The following RERG variants were observed in gnomAD, a reference collection of about 807,000 sequenced individuals.
RERG encodes the protein ras-related and estrogen-regulated growth inhibitor.
In RERG, 25 loss-of-function variants were observed where a neutral mutation model predicts 23.2. The observed-to-expected ratio is 1.08, with a 90% CI of 0.79 to 1.50. The LOEUF (loss-of-function observed/expected upper bound fraction) is 1.50. Among genes scored for constraint, RERG ranks in the 40% most tolerant of loss-of-function variants. The pLI, the probability that RERG is intolerant of heterozygous loss-of-function variation, is 0.00. For missense variants in RERG, 253 were observed against 250.1 expected (o/e 1.01, Z -0.08); for synonymous variants, 81 against 89.1 (o/e 0.91, Z 0.51).
intron 2 of RERG, among the ~76,000 whole-genome samples, chr12:15,209,341 A>T (rs1297115745): frequency 6.6e-6 from 1 of 152,202 alleles, no homozygotes; most frequent in Non-Finnish European, 1.5e-5. Context: ...TGAATCCATC[A>T]TTGGGCAGAT....
intron 2 of RERG, among the ~76,000 whole-genome samples, chr12:15,166,494 T>TGGTGGG (rs1555126071): frequency 6.9e-6 from 1 of 145,378 alleles, no homozygotes; most frequent in Non-Finnish European, 1.5e-5. Context: ...ATGATGATGA[T>TGGTGGG]GATGATGGGG....
Position 15,215,614 on chromosome 12 carries a change from T to C in RERG, c.61+1815A>G, listed in dbSNP as rs547560327. ...GTTGTAACAGAAGATGGCTATGTTT[T>C]AAGCAATGAATGGGAGAGTTAAAAA... On this transcript the variant is annotated intron_variant, in intron 2 of 4. Coordinates refer to ENST00000256953, the MANE Select transcript of RERG (RefSeq NM_032918.3). Among the ~76,000 whole-genome samples, 5 of 152,272 alleles carry C rather than the reference T, an allele frequency of 3.3e-5. No homozygotes were observed. The South Asian group carries it at 6.2e-4, about 19-fold the overall frequency.
chr12:15,135,191 TG>T (rs2136098297), intron 2 of RERG, among the ~76,000 whole-genome samples: 1 of 152,344 alleles, frequency 6.6e-6, no homozygotes, highest in African/African-American at 2.4e-5. Flanking sequence ...CTAACATAAA[TG>T]GTAGAATGTT....
intron 2 of RERG, among the ~76,000 whole-genome samples, chr12:15,123,129 C>T (rs1863867709): frequency 6.6e-6 from 1 of 152,054 alleles, no homozygotes; most frequent in South Asian, 2.1e-4. Flanking sequence ...AAGGCTGCAA[C>T]CTAGAAAACT....
intron 2 of RERG, among the ~76,000 whole-genome samples, chr12:15,179,045 A>G (rs903423821): frequency 6.6e-6 from 1 of 152,196 alleles, no homozygotes; most frequent in Non-Finnish European, 1.5e-5. Context: ...TTCAGGCATC[A>G]GAAATATAGA....
intron 2 of RERG, among the ~76,000 whole-genome samples, chr12:15,208,287 T>C (rs1349796544): frequency 2.6e-5 from 4 of 152,154 alleles, no homozygotes; most frequent in African/African-American, 9.7e-5. Flanking sequence ...TGTATTTCCC[T>C]GGGGAACCCT....
chr12:15,217,727 A>T, intron 1 of RERG, 124 bp from the exon 2 acceptor site: 1 of 457,686 alleles, frequency 2.2e-6, no homozygotes, highest in South Asian at 2.6e-5. Flanking sequence ...CTTTACCACT[A>T]TCCTGTGAGA....
At chr12:15,117,633 A>G (rs1196172520) in intron 3 of RERG, among the ~76,000 whole-genome samples, 1 of 151,790 alleles carries the variant, frequency 6.6e-6, no homozygotes, top group Non-Finnish European at 1.5e-5. Context: ...AGGCTGAAAT[A>G]CAGTCTCTCT....
At chr12:15,186,235 A>C (rs1050613414) in intron 2 of RERG, among the ~76,000 whole-genome samples, 21 of 151,582 alleles carry the variant, frequency 1.4e-4, no homozygotes, top group Admixed American at 4.6e-4. Flanking sequence ...AAAATACATT[A>C]TATTTTATAT....
intron 2 of RERG, among the ~76,000 whole-genome samples, chr12:15,201,719 AGT>A (rs1291544182): frequency 6.6e-6 from 1 of 150,784 alleles, no homozygotes; most frequent in Non-Finnish European, 1.5e-5. Context: ...AGTAATAATT[AGT>A]GTTAGTAATT....
At chr12:15,109,662 T>G (rs897954012) in intron 4 of RERG, 145 bp from the exon 5 acceptor site, 1 of 609,166 alleles carries the variant, frequency 1.6e-6, no homozygotes, top group Non-Finnish European at 2.8e-6. Context: ...GTACAAACTT[T>G]CTAAATAATT....
intron 3 of RERG, among the ~76,000 whole-genome samples, chr12:15,115,423 C>G (rs1863701934): frequency 6.6e-6 from 1 of 152,016 alleles, no homozygotes. Context: ...TGCTTAGTTT[C>G]AAACACATTA....
chr12:15,167,663 A>T (rs1864715260), intron 2 of RERG, among the ~76,000 whole-genome samples: 1 of 152,220 alleles, frequency 6.6e-6, no homozygotes, highest in South Asian at 2.1e-4. Flanking sequence ...GAGATACTTT[A>T]AAAAAGATAG....
chr12:15,213,073 T>C (rs1484628581), intron 2 of RERG, among the ~76,000 whole-genome samples: 2 of 152,232 alleles, frequency 1.3e-5, no homozygotes, highest in South Asian at 2.1e-4. Flanking sequence ...AGTGCACCAA[T>C]TGGCTTTTGA....
chr12:15,124,014 T>A (rs1444489741), intron 2 of RERG, among the ~76,000 whole-genome samples: 2 of 152,186 alleles, frequency 1.3e-5, no homozygotes, highest in African/African-American at 2.4e-5. Context: ...TGGCTAATTC[T>A]TCATCATCTG....
At chr12:15,111,452 T>A (rs1863615422) in intron 3 of RERG, 35 bp from the exon 4 acceptor site, 1 of 1,503,166 alleles carries the variant, frequency 6.7e-7, no homozygotes, top group East Asian at 2.3e-5. Context: ...GACAAAAAGA[T>A]AAATAAATGC....
intron 2 of RERG, among the ~76,000 whole-genome samples, chr12:15,138,327 A>G (rs1259726958): frequency 2.0e-5 from 3 of 151,950 alleles, no homozygotes; most frequent in Non-Finnish European, 4.4e-5. Flanking sequence ...ATACATTTGT[A>G]CCACAGTTGT....
intron 2 of RERG, among the ~76,000 whole-genome samples, chr12:15,144,728 A>G (rs1014262333): frequency 6.6e-6 from 1 of 152,204 alleles, no homozygotes; most frequent in Non-Finnish European, 1.5e-5. Flanking sequence ...GCTATTATCA[A>G]ATGGTTCTGA....
At chr12:15,209,360 G>T (rs1865336321) in intron 2 of RERG, among the ~76,000 whole-genome samples, 1 of 152,182 alleles carries the variant, frequency 6.6e-6, no homozygotes, top group Non-Finnish European at 1.5e-5. Context: ...ATGAATAAAA[G>T]GAGATAAGGA....
Sources: gnomAD v4.1 joint callset for allele counts (sites outside exome capture counted in the v4.1 genomes callset) on GRCh38, gnomAD v4.1.1 for gene constraint, MANE v1.5 for transcripts, NCBI Gene and HGNC (gene_info 2026-07-23, HGNC 2026-07-21) for gene names.